CCDC60: variants seen among roughly 807,000 people sequenced by gnomAD.
The protein encoded by CCDC60 is coiled-coil domain-containing protein 60.
Under a neutral mutation model 63.5 loss-of-function variants are expected in CCDC60, and 54 were observed. The ratio of observed to expected loss-of-function variants is 0.85; its 90% CI spans 0.68 to 1.07. The LOEUF (loss-of-function observed/expected upper bound fraction) is 1.07, where lower values mean the gene tolerates loss of function less well. CCDC60 is among the 50% of genes least tolerant of loss of function. The pLI, the probability that CCDC60 is intolerant of heterozygous loss-of-function variation, is 0.00. For missense variants in CCDC60, 651 were observed against 684.3 expected (o/e 0.95, Z 0.54); for synonymous variants, 206 against 238.8 (o/e 0.86, Z 1.27).
At chr12:119,447,306 AC>A (rs1232495336) in intron 2 of CCDC60, among the ~76,000 whole-genome samples, 3 of 151,898 alleles carry the variant, frequency 2.0e-5, no homozygotes, top group Admixed American at 6.6e-5. Context: ...TGCGCCTCAG[AC>A]CCCTCCCACT....
intron 3 of CCDC60, among the ~76,000 whole-genome samples, chr12:119,476,943 A>G (rs1951188813): frequency 6.6e-6 from 1 of 152,218 alleles, no homozygotes; most frequent in South Asian, 2.1e-4. Context: ...TGCTACAGTT[A>G]CTATTGCCAT....
At chr12:119,523,903 A>G in intron 11 of CCDC60, 85 bp downstream of exon 11, 3 of 1,412,074 alleles carry the variant, frequency 2.1e-6, no homozygotes, top group South Asian at 1.3e-5. Context: ...TGCTGGGGCT[A>G]TATCACAAAC....
At chr12:119,445,160 G>A (rs965375254) in intron 2 of CCDC60, among the ~76,000 whole-genome samples, 15 of 151,966 alleles carry the variant, frequency 9.9e-5, no homozygotes, top group African/African-American at 2.9e-4. Flanking sequence ...GAGGCCAGGC[G>A]CGGTGGCTCA....
At chr12:119,353,906 C>G (rs1955688750) in intron 1 of CCDC60, among the ~76,000 whole-genome samples, 2 of 152,128 alleles carry the variant, frequency 1.3e-5, no homozygotes, top group Admixed American at 1.3e-4. Flanking sequence ...AACCCCGTCT[C>G]TATCAAAAAT....
intron 3 of CCDC60, among the ~76,000 whole-genome samples, chr12:119,473,067 T>C (rs1247710803): frequency 2.0e-5 from 3 of 152,252 alleles, no homozygotes; most frequent in Non-Finnish European, 4.4e-5. Context: ...AGATAGGTGC[T>C]ATCATTGGCC....
At chr12:119,356,265 A>T (rs1476601895) in intron 1 of CCDC60, among the ~76,000 whole-genome samples, 1 of 152,188 alleles carries the variant, frequency 6.6e-6, no homozygotes, top group Non-Finnish European at 1.5e-5. Context: ...ATCTCTTTGA[A>T]TATCTGAGAT....
intron 13 of CCDC60, among the ~76,000 whole-genome samples, chr12:119,533,115 T>G (rs984897714): frequency 6.6e-6 from 1 of 152,228 alleles, no homozygotes; most frequent in African/African-American, 2.4e-5. Flanking sequence ...TCATTCTAAC[T>G]GGCATGAGAT....
At chr12:119,532,277 C>G (rs151294500) in intron 13 of CCDC60, among the ~76,000 whole-genome samples, 1 of 152,042 alleles carries the variant, frequency 6.6e-6, no homozygotes, top group Non-Finnish European at 1.5e-5. Flanking sequence ...CTTTGAAAAG[C>G]TAGTCCCTGC....
intron 1 of CCDC60, among the ~76,000 whole-genome samples, chr12:119,417,864 C>T (rs150276334): frequency 6.6e-6 from 1 of 152,340 alleles, no homozygotes; most frequent in East Asian, 1.9e-4. Context: ...GCAAGAAGCC[C>T]AGACCCTTCC....
intron 7 of CCDC60, among the ~76,000 whole-genome samples, chr12:119,514,610 TAA>T (rs1025331037): frequency 2.0e-5 from 3 of 152,324 alleles, no homozygotes; most frequent in South Asian, 4.1e-4. Flanking sequence ...TGTTTTATGC[TAA>T]GTGTTATTAC....
intron 9 of CCDC60, among the ~76,000 whole-genome samples, chr12:119,521,707 T>G (rs1952535256): frequency 6.6e-6 from 1 of 152,136 alleles, no homozygotes; most frequent in Non-Finnish European, 1.5e-5. Flanking sequence ...GTCTCTTGCT[T>G]ATCACTCCCT....
At chr12:119,365,527 T>C (rs567748814) in intron 1 of CCDC60, among the ~76,000 whole-genome samples, 18 of 152,248 alleles carry the variant, frequency 1.2e-4, no homozygotes, top group African/African-American at 4.3e-4. Context: ...TGTGTGTGTT[T>C]TGTTTTGTTT....
chr12:119,399,126 G>T (rs185148662), intron 1 of CCDC60, among the ~76,000 whole-genome samples: 12 of 152,314 alleles, frequency 7.9e-5, no homozygotes, highest in African/African-American at 2.6e-4. Flanking sequence ...GGGCAGTGGG[G>T]TATGAATATT....
intron 1 of CCDC60, among the ~76,000 whole-genome samples, chr12:119,426,697 A>G (rs565011188): frequency 6.6e-6 from 1 of 152,202 alleles, no homozygotes; most frequent in African/African-American, 2.4e-5. Flanking sequence ...TGCAGTTACA[A>G]ATACTTTGTA....
chr12:119,361,332 A>G (rs1955789196), intron 1 of CCDC60, among the ~76,000 whole-genome samples: 1 of 152,210 alleles, frequency 6.6e-6, no homozygotes, highest in Non-Finnish European at 1.5e-5. Flanking sequence ...CACATTACAG[A>G]AACTCTAAGG....
chr12:119,466,999 T>C (rs1336981054), intron 2 of CCDC60, among the ~76,000 whole-genome samples: 2 of 152,222 alleles, frequency 1.3e-5, no homozygotes, highest in Non-Finnish European at 2.9e-5. Context: ...AATGACACAA[T>C]GACCCAAAAG....
chr12:119,398,761 A>G (rs1002235057), intron 1 of CCDC60, among the ~76,000 whole-genome samples: 1 of 152,244 alleles, frequency 6.6e-6, no homozygotes, highest in Admixed American at 6.5e-5. Context: ...TATAGTCTTA[A>G]GATTGTTTAA....
In CCDC60 at chr12:119,335,159, A is replaced by G; in HGVS notation, c.-18A>G. Reference sequence around the variant, plus strand: ...CCTTGTCTTGGGGGCACAGGCTAAAACCTGAAGGATTTTTAAGATGACCAA... The same window carrying G: ...CCTTGTCTTGGGGGCACAGGCTAAAGCCTGAAGGATTTTTAAGATGACCAA... On this transcript the variant is annotated 5_prime_UTR_variant, in exon 1 of 14. Coordinates refer to ENST00000327554, the MANE Select transcript of CCDC60 (RefSeq NM_178499.5). 6.3e-7 allele frequency: 1 copy of G among 1,599,580 alleles called. No individual in the cohort carries two copies. The highest frequency in any genetic ancestry group is 2.3e-5 in the East Asian group (1 of 44,314).
At chr12:119,428,286 T>A (rs1619163) in intron 1 of CCDC60, among the ~76,000 whole-genome samples, 135,604 of 152,242 alleles carry the variant, frequency 0.89, 60,778 homozygotes, top group East Asian at 1. Context: ...GTGTAATGCT[T>A]ATAGTAGTAG....
Sources: gnomAD v4.1 joint callset for allele counts (sites outside exome capture counted in the v4.1 genomes callset) on GRCh38, gnomAD v4.1.1 for gene constraint, MANE v1.5 for transcripts, NCBI Gene and HGNC (gene_info 2026-07-23, HGNC 2026-07-21) for gene names.